The following BPIFA1 variants were observed in gnomAD, a reference collection of about 807,000 sequenced individuals.
BPIFA1 encodes the protein BPI fold containing family A member 1.
BPIFA1 carries 24 observed loss-of-function variants against 25.1 expected under a neutral mutation model. The ratio of observed to expected loss-of-function variants is 0.96; its 90% CI spans 0.69 to 1.35. The LOEUF (loss-of-function observed/expected upper bound fraction) is 1.35, where lower values mean the gene tolerates loss of function less well. Ranked by LOEUF, BPIFA1 falls within the 40% of genes most tolerant of loss-of-function variation. The probability of loss-of-function intolerance (pLI) is 0.00; values close to 1 mark genes in which losing one functional copy is unlikely to be tolerated. For missense variants in BPIFA1, 344 were observed against 303.7 expected, an observed-to-expected ratio of 1.13 and a Z score of -0.99; for synonymous variants, 139 against 131.8, an observed-to-expected ratio of 1.05 and a Z score of -0.37.
intron 1 of BPIFA1, among the ~76,000 whole-genome samples, chr20:33,236,682 C>T (rs749274351): frequency 6.6e-5 from 10 of 152,032 alleles, no homozygotes; most frequent in African/African-American, 1.7e-4. Flanking sequence ...AGGGGTTGAC[C>T]GGAATTCCAT....
Position 33,240,231 on chromosome 20 carries a change from A to G in BPIFA1, c.429-2A>G. On this transcript the variant is annotated splice_acceptor_variant, in intron 4 of 8. Transcript: ENST00000354297. LOFTEE classifies it high-confidence loss of function. ...ATACCAGTGGGGCTGTCTCCTTTGC[A>G]GGCCCCTGGTCGGTGCAAGTCTGTT... 1 of 1,613,400 alleles carries G rather than the reference A, an allele frequency of 6.2e-7. No homozygotes were observed. The highest frequency in any genetic ancestry group is 8.5e-7 in the Non-Finnish European group (1 of 1,179,762).
At chr20:33,242,685 C>G in intron 8 of BPIFA1, 124 bp downstream of exon 8, 1 of 687,262 alleles carries the variant, frequency 1.5e-6, no homozygotes, top group Non-Finnish European at 2.5e-6. Flanking sequence ...GAGGTACACA[C>G]AGGGATGCAC....
chr20:33,240,166 G>A, intron 4 of BPIFA1, 67 bp from the exon 5 acceptor site: 2 of 1,582,278 alleles, frequency 1.3e-6, no homozygotes, highest in Non-Finnish European at 1.7e-6. Context: ...TTCTTGGCAA[G>A]GAGAAAATAA....
chr20:33,236,467 T>C (rs953414461), intron 1 of BPIFA1, among the ~76,000 whole-genome samples: 1 of 152,152 alleles, frequency 6.6e-6, no homozygotes, highest in African/African-American at 2.4e-5. Flanking sequence ...GTTACCTCCC[T>C]AAGAAGGGCA....
Position 33,239,910 on chromosome 20 carries a change from C to T in BPIFA1, c.428C>T (p.Thr143Met), listed in dbSNP as rs142723109. ...IPLGIKLQVN[T>M]PLVGASLLRL... The stretch of plus-strand genomic sequence containing the variant: ...CTCGGCATAAAGCTCCAAGTGAATA[C>T]GTGAGTGGGTCCCAAGAGGGGGTGA... The change falls in exon 4 of 9, where the codon ACG (threonine) becomes ATG (methionine). Residue 143 changes from threonine (T) to methionine (M), a missense_variant and splice_region_variant. Thr to Met is a moderately conservative substitution (Grantham distance 81). Transcript: ENST00000354297. 23 of 1,612,262 alleles carry T rather than the reference C, an allele frequency of 1.4e-5. No individual in the cohort carries two copies. The highest frequency in any genetic ancestry group is 5.3e-5 in the African/African-American group (4 of 74,894).
intron 1 of BPIFA1, among the ~76,000 whole-genome samples, chr20:33,236,391 TCTTTAG>T (rs1031479303): frequency 6.6e-6 from 1 of 152,216 alleles, no homozygotes; most frequent in Non-Finnish European, 1.5e-5. Flanking sequence ...GAGACTAGGA[TCTTTAG>T]CTTCCATTGG....
chr20:33,240,145 T>A (rs2146500139), intron 4 of BPIFA1, 88 bp from the exon 5 acceptor site: 1 of 1,550,676 alleles, frequency 6.4e-7, no homozygotes, highest in Non-Finnish European at 8.7e-7. Flanking sequence ...TGGAGTGAGG[T>A]GAGGCTAGCA....
intron 4 of BPIFA1, 53 bp downstream of exon 4, chr20:33,239,963 G>T: frequency 8.4e-6 from 13 of 1,544,796 alleles, no homozygotes; most frequent in Admixed American, 1.7e-5. Flanking sequence ...GGAGACCCTG[G>T]TGACCATGGT....
intron 6 of BPIFA1, 26 bp downstream of exon 6, chr20:33,241,495 T>G (rs1253880681): frequency 6.3e-7 from 1 of 1,579,902 alleles, no homozygotes; most frequent in African/African-American, 1.3e-5. Context: ...GGGGATCCCC[T>G]GATCCTCAGG....
chr20:33,240,400 G>A lies in BPIFA1; in HGVS notation c.581+15G>A. 2 of 1,613,332 alleles carry A rather than the reference G, an allele frequency of 1.2e-6. No homozygotes were observed. Among genetic ancestry groups the A allele is most frequent in the Non-Finnish European group, 1.7e-6 (2 of 1,179,656 alleles). On this transcript the variant is annotated intron_variant, in intron 5 of 8. Transcript: ENST00000354297. Reference sequence around the variant, plus strand: ...CTGCTTGATGGGTGAGGCCAGAGGAGCAGCTTATCCTGCCCAGAGATGACA... The same window carrying A: ...CTGCTTGATGGGTGAGGCCAGAGGAACAGCTTATCCTGCCCAGAGATGACA...
intron 8 of BPIFA1, 26 bp downstream of exon 8, chr20:33,242,587 G>T: frequency 6.4e-7 from 1 of 1,550,772 alleles, no homozygotes; most frequent in Non-Finnish European, 8.9e-7. Context: ...CACACCCCAG[G>T]GTTTTGGGGG....
In BPIFA1 at chr20:33,237,697, A is replaced by T; in HGVS notation, c.-15A>T. On this transcript the variant is annotated splice_region_variant and 5_prime_UTR_variant, in exon 2 of 9. Transcript: ENST00000354297. ...GTTGGACTTGTCATTCTGGCCACAG[A>T]TACTAAGAGCAAAGATGTTTCAAAC... 1 of 1,441,016 alleles carries T rather than the reference A, an allele frequency of 6.9e-7. No homozygotes were observed. Among genetic ancestry groups the T allele is most frequent in the East Asian group, 2.5e-5 (1 of 39,462 alleles). The allele number at this position is 1,441,016 out of a possible 1,614,324, so 89.3% of individuals were successfully genotyped here. A position where few individuals can be genotyped will look rare whatever the true frequency, so the allele number is the denominator to read the frequency against.
At chr20:33,241,707 G>A (rs1978986061) in intron 6 of BPIFA1, among the ~76,000 whole-genome samples, 1 of 152,120 alleles carries the variant, frequency 6.6e-6, no homozygotes, top group Non-Finnish European at 1.5e-5. Context: ...AAATGGATTG[G>A]CCCCTGTTCT....
At position 33,242,506 on chromosome 20, in the gene BPIFA1, A is replaced by G; in HGVS notation, c.750A>G (p.Leu250=). 1 of 1,614,136 alleles carries G rather than the reference A, an allele frequency of 6.2e-7. No homozygotes were observed. The highest frequency in any genetic ancestry group is 8.5e-7 in the Non-Finnish European group (1 of 1,179,996). The change falls in exon 8 of 9, where the codon CTA becomes CTG. Residue 250 remains leucine, a synonymous_variant. Transcript: ENST00000354297. ...HDIVNMLIHG[L]QFVIKV ...GTTTAGACATGCTGATCCACGGACT[A>G]CAGTTTGTCATCAAGGTCTAAGCCT...
rs1278011278 is a variant in BPIFA1 at position 33,241,278 on chromosome 20, G to A, written c.582-107G>A. ...CGTGGGTGTAGATAGACAAGGCTCG[G>A]CTTTAGTGACTGAGTGTTGAGACTG... is the stretch of plus-strand genomic sequence containing the variant. On this transcript the variant is annotated intron_variant, in intron 5 of 8. Transcript: ENST00000354297. 15 of 1,072,926 alleles carry A rather than the reference G, an allele frequency of 1.4e-5. 1 individual carries two copies. Among genetic ancestry groups the A allele is most frequent in the Non-Finnish European group, 1.9e-5 (13 of 696,882 alleles). 66.5% of individuals were successfully genotyped at this position (1,072,926 alleles called of 1,614,324 possible).
chr20:33,238,161 G>A lies in BPIFA1; in HGVS notation c.267G>A (p.Gly89=). 6.2e-7 allele frequency: 1 copy of A among 1,613,924 alleles called. No homozygotes were observed. The highest frequency in any genetic ancestry group is 8.5e-7 in the Non-Finnish European group (1 of 1,179,922). The part of the protein sequence containing the change: ...PGGGTSGGLL[G]GLLGKVTSVI... Reference sequence around the variant, plus strand: ...GAGGTACTTCTGGTGGCCTCCTTGGGGGACTGCTTGGAAAAGTGACGTCAG... The same window carrying A: ...GAGGTACTTCTGGTGGCCTCCTTGGAGGACTGCTTGGAAAAGTGACGTCAG... Residue 89 remains glycine, a synonymous_variant, in exon 3 of 9, where the codon GGG becomes GGA. Transcript: ENST00000354297.
chr20:33,240,717 A>G (rs902794777), intron 5 of BPIFA1, among the ~76,000 whole-genome samples: 1 of 152,164 alleles, frequency 6.6e-6, no homozygotes, highest in Admixed American at 6.5e-5. Context: ...TCTTAGACCA[A>G]GCTAACCAAT....
rs777549818 is a variant in BPIFA1 at position 33,239,825 on chromosome 20, C to G, written c.343C>G (p.Leu115Val). ...CAGCATAAAGGTCACTGACCCCCAG[C>G]TGCTGGAACTTGGCCTTGTGCAGAG... ...IIDIKVTDPQ[L>V]LELGLVQSPD... The change falls in exon 4 of 9, where the codon CTG (leucine) becomes GTG (valine). Residue 115 changes from leucine to valine, a missense_variant. Leu to Val is a conservative substitution (Grantham distance 32). Transcript: ENST00000354297. 17 of 1,614,208 alleles carry G rather than the reference C, an allele frequency of 1.1e-5. No homozygotes were observed. In the Admixed American group the frequency reaches 2.8e-4, roughly 27 times the overall value.
Position 33,237,871 on chromosome 20 carries a change from G to A in BPIFA1, c.160G>A (p.Ala54Thr), listed in dbSNP as rs1445165353. Residue 54 changes from alanine to threonine, a missense_variant and splice_region_variant, in exon 2 of 9, where the codon GCC becomes ACC. By Grantham distance (58) the Ala-to-Thr change is moderately conservative. Transcript: ENST00000354297. ...AGGTCTTGCAGGAAGCTTGACAAAT[G>A]GTGAGTTTTCAGGGGTGTATGTGTG... ...PTGLAGSLTN[A>T]LSNGLLSGGL... is the part of the protein sequence containing the mutation. 1.9e-6 allele frequency: 3 copies of A among 1,568,234 alleles called. No homozygotes were observed. Among genetic ancestry groups the A allele is most frequent in the African/African-American group, 2.7e-5 (2 of 73,370 alleles).
Sources: gnomAD v4.1 joint callset for allele counts (sites outside exome capture counted in the v4.1 genomes callset) on GRCh38, gnomAD v4.1.1 for gene constraint, MANE v1.5 for transcripts, NCBI Gene and HGNC (gene_info 2026-07-23, HGNC 2026-07-21) for gene names.